DPP6: variants seen among roughly 807,000 people sequenced by gnomAD.
DPP6 encodes A-type potassium channel modulatory protein DPP6.
In DPP6, 69 loss-of-function variants were observed where a neutral mutation model predicts 122.6. The observed-to-expected ratio is 0.56, with a 90% confidence interval of 0.46 to 0.69. The LOEUF (loss-of-function observed/expected upper bound fraction) is 0.69. DPP6 is among the 30% of genes least tolerant of loss of function. The probability of loss-of-function intolerance (pLI) is 0.00; values close to 1 mark genes in which losing one functional copy is unlikely to be tolerated. For synonymous variants in DPP6, 418 were observed against 433.1 expected (o/e 0.97, Z 0.43); for missense variants, 928 against 1,116.9 (o/e 0.83, Z 2.41).
chr7:154,050,786 A>C (rs1316145136), upstream of DPP6, among the ~76,000 whole-genome samples: 2 of 103,232 alleles, frequency 1.9e-5, no homozygotes, highest in Non-Finnish European at 4.3e-5. Flanking sequence ...TTGGTTTTGT[A>C]TTTGCTATTT....
At chr7:153,972,757 T>TA (rs1796086606) in intron 1 of DPP6, among the ~76,000 whole-genome samples, 1 of 5,520 alleles carries the variant, frequency 1.8e-4, no homozygotes, top group South Asian at 2.7e-3. Flanking sequence ...AAATTGCAAC[T>TA]TTTTTTTTTT....
intron 1 of DPP6, among the ~76,000 whole-genome samples, chr7:154,250,485 G>C (rs991112654): frequency 6.6e-6 from 1 of 152,102 alleles, no homozygotes; most frequent in Non-Finnish European, 1.5e-5. Context: ...CAAAGGCACG[G>C]TTGGCTTCAT....
chr7:154,824,236 C>T (rs1308096732), intron 16 of DPP6, among the ~76,000 whole-genome samples: 3 of 147,086 alleles, frequency 2.0e-5, no homozygotes, highest in Admixed American at 7.0e-5. Context: ...TAACTTATTC[C>T]TTAAGGAATG....
the DPP6 span, among the ~76,000 whole-genome samples, chr7:153,834,621 T>C: frequency 6.6e-6 from 1 of 152,226 alleles, no homozygotes; most frequent in Non-Finnish European, 1.5e-5. Flanking sequence ...TATTATCTCA[T>C]TTGATTCTTG....
intron 7 of DPP6, 33 bp downstream of exon 7, chr7:154,669,474 G>T: frequency 2.6e-6 from 4 of 1,547,234 alleles, no homozygotes; most frequent in Non-Finnish European, 3.5e-6. Context: ...CTATACTTGG[G>T]TTTTGAGGAA....
chr7:153,800,768 T>C, the DPP6 span, among the ~76,000 whole-genome samples: 68,114 of 151,094 alleles, frequency 0.45, 15,660 homozygotes, highest in Middle Eastern at 0.56. Context: ...CTACCCTCCT[T>C]GGCCTCCCAA....
intron 1 of DPP6, among the ~76,000 whole-genome samples, chr7:154,437,055 A>G (rs913905565): frequency 2.0e-5 from 3 of 152,196 alleles, no homozygotes; most frequent in South Asian, 4.1e-4. Flanking sequence ...AGACAGACCA[A>G]TGACACCCCA....
intron 1 of DPP6, among the ~76,000 whole-genome samples, chr7:154,175,107 G>A (rs1380035604): frequency 1.3e-5 from 2 of 151,328 alleles, no homozygotes; most frequent in Non-Finnish European, 2.9e-5. Context: ...TTCCCAACTA[G>A]CATGTCTTAT....
intron 1 of DPP6, among the ~76,000 whole-genome samples, chr7:154,400,693 AC>A (rs1272364895): frequency 1.3e-5 from 2 of 152,100 alleles, no homozygotes; most frequent in Non-Finnish European, 2.9e-5. Flanking sequence ...TACAAAATAC[AC>A]CTTTGGAGAT....
At chr7:154,370,385 G>GA (rs1254168817) in intron 1 of DPP6, among the ~76,000 whole-genome samples, 4 of 150,648 alleles carry the variant, frequency 2.7e-5, no homozygotes, top group East Asian at 3.9e-4. Context: ...TTTTGGGGGG[G>GA]AGGGGGGATG....
intron 1 of DPP6, among the ~76,000 whole-genome samples, chr7:154,422,604 TTGGA>T (rs1201689715): frequency 6.6e-6 from 1 of 151,212 alleles, no homozygotes; most frequent in East Asian, 1.9e-4. Context: ...AGATGGATGG[TTGGA>T]TGGATGGATG....
chr7:154,701,364 C>A (rs1840517722), intron 7 of DPP6, among the ~76,000 whole-genome samples: 1 of 152,160 alleles, frequency 6.6e-6, no homozygotes. Context: ...AAGCCTATAC[C>A]TTTTTTAAAG....
chr7:154,605,504 AAATTATTT>A (rs1343377571), intron 5 of DPP6, among the ~76,000 whole-genome samples: 2 of 120,302 alleles, frequency 1.7e-5, no homozygotes, highest in Non-Finnish European at 3.8e-5. Context: ...TAAATGTTCA[AAATTATTT>A]AATAAAGTTT....
At chr7:153,886,642 C>T (rs1798926999), upstream of DPP6, among the ~76,000 whole-genome samples, 1 of 152,212 alleles carries the variant, frequency 6.6e-6, no homozygotes, top group Non-Finnish European at 1.5e-5. Flanking sequence ...CTGCCATTCA[C>T]TGCAAGGTCC....
At chr7:154,710,720 A>G (rs1841125788) in intron 7 of DPP6, among the ~76,000 whole-genome samples, 1 of 152,238 alleles carries the variant, frequency 6.6e-6, no homozygotes, top group South Asian at 2.1e-4. Flanking sequence ...ACAAGGTTGC[A>G]GATTTGGAGG....
intron 1 of DPP6, among the ~76,000 whole-genome samples, chr7:154,199,786 T>C (rs1799071949): frequency 6.6e-6 from 1 of 152,068 alleles, no homozygotes; most frequent in South Asian, 2.1e-4. Flanking sequence ...TTTTGTGCTT[T>C]TAGTAGAGAC....
At chr7:154,460,149 C>T (rs1586339223) in intron 2 of DPP6, among the ~76,000 whole-genome samples, 1 of 151,740 alleles carries the variant, frequency 6.6e-6, no homozygotes, top group Non-Finnish European at 1.5e-5. Context: ...ACCTGGCTAA[C>T]TTTTGTATTT....
chr7:154,616,904 A>G (rs1164152553), intron 5 of DPP6, among the ~76,000 whole-genome samples: 1 of 152,210 alleles, frequency 6.6e-6, no homozygotes, highest in Admixed American at 6.5e-5. Flanking sequence ...ATAAAAATCT[A>G]TAACCTCTAG....
chr7:154,512,629 G>C (rs183141943), intron 3 of DPP6, among the ~76,000 whole-genome samples: 1 of 152,226 alleles, frequency 6.6e-6, no homozygotes, highest in South Asian at 2.1e-4. Context: ...TTTTGTGCCC[G>C]ATCAATAGGT....
Sources: gnomAD v4.1 joint callset for allele counts (sites outside exome capture counted in the v4.1 genomes callset) on GRCh38, gnomAD v4.1.1 for gene constraint, MANE v1.5 for transcripts, NCBI Gene and HGNC (gene_info 2026-07-23, HGNC 2026-07-21) for gene names.